CUX2: variants seen among roughly 807,000 people sequenced by gnomAD.
CUX2 encodes cut like homeobox 2.
Under a neutral mutation model 144.8 loss-of-function variants are expected in CUX2, and 40 were observed. That is an observed-to-expected ratio of 0.28 (90% CI 0.21 to 0.36). The LOEUF (loss-of-function observed/expected upper bound fraction) is 0.36, where lower values mean the gene tolerates loss of function less well. Ranked by LOEUF, CUX2 falls within the 10% of genes least tolerant of loss-of-function variation. The probability of loss-of-function intolerance (pLI) is 1.00; values close to 1 mark genes in which losing one functional copy is unlikely to be tolerated. For synonymous variants in CUX2, 827 were observed against 875.6 expected (o/e 0.94, Z 0.98); for missense variants, 1,615 against 1,994.0 (o/e 0.81, Z 3.62).
At chr12:111,279,070 G>A (rs564419900) in intron 4 of CUX2, among the ~76,000 whole-genome samples, 1 of 152,290 alleles carries the variant, frequency 6.6e-6, no homozygotes, top group African/African-American at 2.4e-5. Flanking sequence ...ACAAGGAGTG[G>A]AAAATACCCA....
At chr12:111,152,893 A>T (rs960162570) in intron 1 of CUX2, among the ~76,000 whole-genome samples, 2 of 152,162 alleles carry the variant, frequency 1.3e-5, no homozygotes, top group Non-Finnish European at 2.9e-5. Context: ...AAACATAAAG[A>T]AGGCACCTTC....
Position 111,034,202 on chromosome 12 carries a change from T to C in CUX2, c.25T>C (p.Phe9Leu). ...GATGGCCGCCAATGTGGGATCGATG[T>C]TTCAATATTGGAAGCGATTTGATCT... MAANVGSM[F>L]QYWKRFDLRR... is the part of the protein sequence containing the mutation. The change falls in exon 1 of 22, where the codon TTT becomes CTT. Residue 9 changes from phenylalanine (F) to leucine (L), a missense_variant. Physicochemically the swap from Phe to Leu is conservative, Grantham distance 22. Around this residue, in one of 12 missense-constraint regions of CUX2, gnomAD observed 64 missense variants for 64.9 expected, o/e 0.99. Coordinates refer to ENST00000261726, the MANE Select transcript of CUX2 (RefSeq NM_015267.4). The surrounding 1 kb of genome is among the most constrained non-coding windows in gnomAD (Gnocchi z 4.2). 7.1e-7 allele frequency: 1 copy of C among 1,401,880 alleles called. No individual in the cohort carries two copies. The highest frequency in any genetic ancestry group is 3.9e-5 in the East Asian group (1 of 25,488). 86.8% of individuals were successfully genotyped at this position (1,401,880 alleles called of 1,614,324 possible). A position where few individuals can be genotyped will look rare whatever the true frequency, so the allele number is the denominator to read the frequency against.
chr12:111,070,327 C>T (rs779278721), intron 1 of CUX2, among the ~76,000 whole-genome samples: 1 of 151,752 alleles, frequency 6.6e-6, no homozygotes, highest in Non-Finnish European at 1.5e-5. Flanking sequence ...TCCCTCTCTC[C>T]CTTCCTTCCT....
Position 111,347,539 on chromosome 12 carries a change from G to A in CUX2, c.3675G>A (p.Arg1225=). ...WFHNYRSRMR[R]EMLVEGTQDE... ...TCTGCCCCAGGTCCCGGATGCGCCG[G>A]GAGATGTTGGTGGAGGGGACCCAGG... Residue 1225 remains arginine (R), a synonymous_variant, in exon 22 of 22, where the codon CGG becomes CGA. Transcript: ENST00000261726. 1.9e-6 allele frequency: 3 copies of A among 1,601,582 alleles called. No homozygotes were observed. The highest frequency in any genetic ancestry group is 2.6e-6 in the Non-Finnish European group (3 of 1,174,344).
chr12:111,142,135 C>G (rs1876362588), intron 1 of CUX2, among the ~76,000 whole-genome samples: 1 of 152,092 alleles, frequency 6.6e-6, no homozygotes, highest in South Asian at 2.1e-4. Context: ...ATATAGGATG[C>G]CTTTCCTAGC....
intron 1 of CUX2, among the ~76,000 whole-genome samples, chr12:111,173,927 A>C (rs1266290261): frequency 6.6e-6 from 1 of 152,196 alleles, no homozygotes; most frequent in Non-Finnish European, 1.5e-5. Flanking sequence ...AGGAGAGGGC[A>C]TTCAGGTAGC....
At chr12:111,158,832 G>A (rs77518136) in intron 1 of CUX2, among the ~76,000 whole-genome samples, 5,537 of 152,168 alleles carry the variant, frequency 0.036, 370 homozygotes, top group African/African-American at 0.13. Context: ...TCCTGGGAAG[G>A]GTCTAGAAAA....
chr12:111,310,848 CT>C lies in CUX2; in HGVS notation c.1900+167del, dbSNP rs1429049130. On this transcript the variant is annotated intron_variant, in intron 15 of 21. Transcript: ENST00000261726. This position sits in a 1 kb window ranked among gnomAD's most constrained non-coding sequence, Gnocchi z 7.9. The stretch of plus-strand genomic sequence containing the variant: ...GCCTGTCTGTGCCTCAGTTTCCCCT[CT>C]GTAAAAGCAGGAAATACATCCTCGC... Among the ~76,000 whole-genome samples, 1 of 152,246 alleles carries C rather than the reference CT, an allele frequency of 6.6e-6. No homozygotes were observed. The highest frequency in any genetic ancestry group is 2.4e-5 in the African/African-American group (1 of 41,468).
intron 1 of CUX2, among the ~76,000 whole-genome samples, chr12:111,126,051 G>C (rs181486789): frequency 4.0e-5 from 6 of 149,552 alleles, no homozygotes; most frequent in African/African-American, 1.0e-4. Context: ...GCGTGGGGGG[G>C]GCGGATTTAT....
chr12:111,206,806 A>G (rs1477216942), intron 1 of CUX2, among the ~76,000 whole-genome samples: 12 of 152,246 alleles, frequency 7.9e-5, no homozygotes, highest in African/African-American at 2.2e-4. Flanking sequence ...CCTTTTCTAG[A>G]TGATCAACTG....
intron 18 of CUX2, among the ~76,000 whole-genome samples, chr12:111,324,225 A>C (rs115998222): frequency 0.02 from 3,001 of 151,668 alleles, 117 homozygotes; most frequent in African/African-American, 0.067. Context: ...TGGCGTGCAC[A>C]TGTAATCTTA....
At chr12:111,100,107 A>C (rs1052702331) in intron 1 of CUX2, 1 of 455,772 alleles carries the variant, frequency 2.2e-6, no homozygotes, top group African/African-American at 2.0e-5. Context: ...AGGAGGCAGG[A>C]GCTGCCCAGG....
In CUX2 at chr12:111,310,225, C is replaced by G. The variant is rs1360439052; in HGVS notation, c.1443C>G (p.Phe481Leu). 6.6e-7 allele frequency: 1 copy of G among 1,510,668 alleles called. No individual in the cohort carries two copies. Among genetic ancestry groups the G allele is most frequent in the South Asian group, 1.4e-5 (1 of 74,062 alleles). 93.6% of individuals were successfully genotyped at this position (1,510,668 alleles called of 1,614,324 possible). The change falls in exon 15 of 22, where the codon TTC (phenylalanine) becomes TTG (leucine). Residue 481 changes from phenylalanine to leucine, a missense_variant. Phe to Leu is a conservative substitution (Grantham distance 22, BLOSUM62 0). Coordinates refer to ENST00000261726, the MANE Select transcript of CUX2 (RefSeq NM_015267.4). This position sits in a 1 kb window ranked among gnomAD's most constrained non-coding sequence, Gnocchi z 7.9. ...DGTRTFSLSP[F>L]PSLASGERLM... ...CTCGGACTTTCTCGCTGTCCCCCTT[C>G]CCCAGCCTGGCATCAGGGGAGAGAC...
Position 111,050,079 on chromosome 12 carries a change from C to T in CUX2, c.63+15839C>T, listed in dbSNP as rs1870188819. Among the ~76,000 whole-genome samples, 2 of 152,198 alleles carry T rather than the reference C, an allele frequency of 1.3e-5. 1 individual carries two copies. Among genetic ancestry groups the T allele is most frequent in the South Asian group, 4.1e-4 (2 of 4,828 alleles). ...AAACCCTTCACCTACATCCTCCTCTCCTGCTCAGCCACATTTATAGAGCAT... is the reference window on the plus strand; with the variant it reads ...AAACCCTTCACCTACATCCTCCTCTTCTGCTCAGCCACATTTATAGAGCAT... On this transcript the variant is annotated intron_variant, in intron 1 of 21. Coordinates refer to ENST00000261726, the MANE Select transcript of CUX2 (RefSeq NM_015267.4).
chr12:111,256,610 C>T (rs1457841616), intron 3 of CUX2, among the ~76,000 whole-genome samples: 1 of 152,130 alleles, frequency 6.6e-6, no homozygotes, highest in Non-Finnish European at 1.5e-5. Context: ...GATGGCAGGT[C>T]CCCCTTTTCA....
intron 1 of CUX2, among the ~76,000 whole-genome samples, chr12:111,106,401 C>T (rs1157663548): frequency 6.6e-6 from 1 of 152,054 alleles, no homozygotes; most frequent in Non-Finnish European, 1.5e-5. Context: ...AAGCAATTCA[C>T]CCACCTTGGC....
In CUX2 at chr12:111,217,933, C is replaced by A; in HGVS notation, c.218C>A (p.Ala73Asp). ...MVAPVLKSFQ[A>D]EVVALSKRSQ... is the part of the protein sequence containing the mutation. ...GCTCCTGTATTAAAAAGCTTCCAAG[C>A]CGAGGTAAGACCCAGGGCCCACAGC... is the stretch of plus-strand genomic sequence containing the variant. Residue 73 changes from alanine to aspartate, a missense_variant, in exon 3 of 22, where the codon GCC becomes GAC. By Grantham distance (126) the Ala-to-Asp change is moderately radical. Transcript: ENST00000261726. The A allele has an allele frequency of 1.2e-6, 2 of 1,613,984 alleles. No homozygotes were observed. The highest frequency in any genetic ancestry group is 8.5e-7 in the Non-Finnish European group (1 of 1,180,014).
chr12:111,225,095 GGGGTTTCACCATGTGGCCT>G (rs1882065154), intron 3 of CUX2, among the ~76,000 whole-genome samples: 1 of 152,000 alleles, frequency 6.6e-6, no homozygotes, highest in African/African-American at 2.4e-5. Flanking sequence ...TTGTAGAGAT[GGGGTTTCACCATGTGGCCT>G]GGGCTGGTCC....
intron 21 of CUX2, among the ~76,000 whole-genome samples, chr12:111,345,539 C>T (rs146472307): frequency 6.7e-6 from 1 of 150,190 alleles, no homozygotes; most frequent in Non-Finnish European, 1.5e-5. Flanking sequence ...GTCAGGAGAT[C>T]GAGACCATCC....
Sources: allele counts gnomAD v4.1 joint callset (sites outside exome capture counted in the v4.1 genomes callset), GRCh38; gene constraint gnomAD v4.1.1; regional missense constraint gnomAD v4.1.1; non-coding constraint Gnocchi (gnomAD v3.1); transcripts MANE v1.5; gene names NCBI Gene and HGNC (gene_info 2026-07-23, HGNC 2026-07-21).